Variants in RGL3 observed in about 807,000 individuals in gnomAD.
The protein encoded by RGL3 is ral guanine nucleotide dissociation stimulator like 3, also known as ral guanine nucleotide dissociation stimulator-like 3.
RGL3 carries 85 observed loss-of-function variants against 90.6 expected under a neutral mutation model. The observed-to-expected ratio is 0.94, with a 90% CI of 0.79 to 1.12. RGL3 has a LOEUF of 1.12. Ranked by LOEUF, RGL3 falls within the 50% of genes most tolerant of loss-of-function variation. RGL3 has a pLI of 0.00. For missense variants in RGL3, 1,034 were observed against 939.2 expected (o/e 1.10, Z -1.32); for synonymous variants, 408 against 385.5 (o/e 1.06, Z -0.68).
intron 5 of RGL3, 117 bp downstream of exon 5, chr19:11,415,820 T>C (rs955112580): frequency 1.1e-6 from 1 of 927,542 alleles, no homozygotes; most frequent in Admixed American, 2.4e-5. Flanking sequence ...AATTGAGGCT[T>C]AGAGTTTAAA....
intron 1 of RGL3, 105 bp from the exon 2 acceptor site, chr19:11,418,889 G>C: frequency 1.1e-6 from 1 of 896,986 alleles, no homozygotes; most frequent in Non-Finnish European, 1.6e-6. Flanking sequence ...GCATCCCCAC[G>C]CCCCTTCCCG....
intron 5 of RGL3, among the ~76,000 whole-genome samples, chr19:11,412,316 A>G (rs577237856): frequency 6.6e-6 from 1 of 151,632 alleles, no homozygotes; most frequent in East Asian, 1.9e-4. Flanking sequence ...CTGTTGTCAG[A>G]CATGTGTACC....
intron 18 of RGL3, among the ~76,000 whole-genome samples, chr19:11,396,136 C>CTATATATATATA (rs1568334082): frequency 1.1e-4 from 2 of 17,902 alleles, no homozygotes; most frequent in African/African-American, 1.9e-4. Flanking sequence ...CTCTCTCTCT[C>CTATATATATATA]TATATATATA....
At chr19:11,418,037 C>T (rs1435842513) in intron 2 of RGL3, among the ~76,000 whole-genome samples, 1 of 152,004 alleles carries the variant, frequency 6.6e-6, no homozygotes, top group Non-Finnish European at 1.5e-5. Flanking sequence ...CTGTGTTGTC[C>T]AGGCTGGTCT....
At chr19:11,414,197 TTATATATATATATACCTTTATA>T (rs1968929159) in intron 5 of RGL3, among the ~76,000 whole-genome samples, 1 of 65,248 alleles carries the variant, frequency 1.5e-5, no homozygotes, top group East Asian at 5.2e-4. Context: ...ATATATACCT[TTATATATATATATACCTTTATA>T]TATATATACC....
In RGL3 at chr19:11,405,005, A is replaced by C. The variant is rs1208993942; in HGVS notation, c.1185+142T>G. The C allele has an allele frequency of 5.6e-6, 4 of 720,354 alleles. No individual in the cohort carries two copies. The African/African-American group carries it at 7.0e-5, about 13-fold the overall frequency. 44.6% of individuals were successfully genotyped at this position (720,354 alleles called of 1,614,324 possible). Reference sequence around the variant, plus strand: ...AGGAAAGAAAAACGTGCAACCCGCCAGGGACAAGGATAAGGTCATTGCTGA... The same window carrying C: ...AGGAAAGAAAAACGTGCAACCCGCCCGGGACAAGGATAAGGTCATTGCTGA... On this transcript the variant is annotated intron_variant, in intron 9 of 18. Transcript: ENST00000380456.
rs1458909629 is a variant in RGL3, at chr19:11,402,045, G to C, written c.1450C>G (p.Leu484Val). Residue 484 changes from leucine to valine, a missense_variant, in exon 13 of 19, where the codon CTG (leucine) becomes GTG (valine). Leu to Val is a conservative substitution (Grantham distance 32). Coordinates refer to ENST00000380456, the MANE Select transcript of RGL3 (RefSeq NM_001035223.4). ...LSPHPPILAALHAQNQLTEEQ... is the reference protein window; with the variant it reads ...LSPHPPILAAVHAQNQLTEEQ... ...TCGGTGAGCTGGTTCTGGGCATGCA[G>C]GGCAGCCAGGATGGGCGGGTGGGGG... is the stretch of plus-strand genomic sequence containing the variant. 6 of 1,568,386 alleles carry C rather than the reference G, an allele frequency of 3.8e-6. No individual in the cohort carries two copies. The highest frequency in any genetic ancestry group is 5.2e-6 in the Non-Finnish European group (6 of 1,157,066).
At chr19:11,403,748 A>G (rs1453653119) in intron 9 of RGL3, among the ~76,000 whole-genome samples, 1 of 151,706 alleles carries the variant, frequency 6.6e-6, no homozygotes, top group African/African-American at 2.4e-5. Context: ...AGCAGGCCCC[A>G]TGAGAGGTGG....
Position 11,397,297 on chromosome 19 carries a change from G to A in RGL3, c.1961C>T (p.Pro654Leu), listed in dbSNP as rs1290188628. The A allele has an allele frequency of 6.2e-7, 1 of 1,613,180 alleles. No individual in the cohort carries two copies. The highest frequency in any genetic ancestry group is 1.7e-5 in the Admixed American group (1 of 59,762). Residue 654 changes from proline to leucine, a missense_variant, in exon 18 of 19, where the codon CCC (proline) becomes CTC (leucine). Coordinates refer to ENST00000380456, the MANE Select transcript of RGL3 (RefSeq NM_001035223.4). ...VRRALQKHNV[P>L]QPWACDYQLF... ...CTGATAGTCACAGGCCCAGGGCTGGGGCACATTGTGCTTCTGCAAGGCTCG... is the reference window on the plus strand; with the variant it reads ...CTGATAGTCACAGGCCCAGGGCTGGAGCACATTGTGCTTCTGCAAGGCTCG...
chr19:11,398,901 C>A (rs1041455797), intron 16 of RGL3, among the ~76,000 whole-genome samples: 3 of 150,198 alleles, frequency 2.0e-5, no homozygotes, highest in Admixed American at 2.0e-4. Flanking sequence ...GATCTCTTGA[C>A]CTCGTGATCC....
chr19:11,414,683 A>T (rs1263218181), intron 5 of RGL3, among the ~76,000 whole-genome samples: 1 of 151,016 alleles, frequency 6.6e-6, no homozygotes, highest in Non-Finnish European at 1.5e-5. Flanking sequence ...GATCAGATCA[A>T]ATACAGATGG....
intron 5 of RGL3, among the ~76,000 whole-genome samples, 158 bp downstream of exon 5, chr19:11,415,779 A>G (rs977783816): frequency 2.0e-5 from 3 of 151,940 alleles, no homozygotes; most frequent in Non-Finnish European, 1.5e-5. Context: ...CGGCTGACAA[A>G]GAATTATTAT....
chr19:11,402,614 T>TCCCACTTG (rs751288143), intron 10 of RGL3, 36 bp downstream of exon 10: 1 of 1,612,726 alleles, frequency 6.2e-7, no homozygotes. Context: ...TCCCTGAAGG[T>TCCCACTTG]CCCACTTGTC....
intron 16 of RGL3, 67 bp from the exon 17 acceptor site, chr19:11,397,664 C>G (rs545957795): frequency 5.1e-5 from 73 of 1,421,970 alleles, no homozygotes; most frequent in Non-Finnish European, 6.3e-5. Flanking sequence ...TAGAAAAGCA[C>G]GAACACCCCA....
Position 11,406,412 on chromosome 19 carries a change from A to T in RGL3, c.996+7T>A. On this transcript the variant is annotated splice_region_variant and intron_variant, in intron 7 of 18. Coordinates refer to ENST00000380456, the MANE Select transcript of RGL3 (RefSeq NM_001035223.4). ...CCCCGCATCCCCTCTCCGCGCCCGCAACACACCTGGGCGATGCGGATCCAC... is the reference window on the plus strand; with the variant it reads ...CCCCGCATCCCCTCTCCGCGCCCGCTACACACCTGGGCGATGCGGATCCAC... 1 of 1,530,492 alleles carries T rather than the reference A, an allele frequency of 6.5e-7. No homozygotes were observed. Among genetic ancestry groups the T allele is most frequent in the South Asian group, 1.2e-5 (1 of 83,812 alleles). The allele number at this position is 1,530,492 out of a possible 1,614,324, so 94.8% of individuals were successfully genotyped here.
chr19:11,399,934 G>T lies in RGL3; in HGVS notation c.1667C>A (p.Pro556His). The change falls in exon 16 of 19, where the codon CCC (proline) becomes CAC (histidine). Residue 556 changes from proline (P) to histidine (H), a missense_variant. Physicochemically the swap from Pro to His is moderately conservative, Grantham distance 77. Transcript: ENST00000380456. ...ATCTCTGCTTCTAGGACTTGAGGGGGGTGACCCTGGGGACACACTGGGGGA... is the reference window on the plus strand; with the variant it reads ...ATCTCTGCTTCTAGGACTTGAGGGGTGTGACCCTGGGGACACACTGGGGGA... ...SPTSSVSPGSPPSSPRSRDAP... is the reference protein window; with the variant it reads ...SPTSSVSPGSHPSSPRSRDAP... The T allele has an allele frequency of 6.5e-7, 1 of 1,545,142 alleles. No homozygotes were observed. Among genetic ancestry groups the T allele is most frequent in the Non-Finnish European group, 8.7e-7 (1 of 1,153,574 alleles).
chr19:11,418,649 A>G, intron 2 of RGL3, 22 bp downstream of exon 2: 1 of 1,516,762 alleles, frequency 6.6e-7, no homozygotes, highest in South Asian at 1.2e-5. Context: ...GCCCCGCGCC[A>G]CCCACCAAAC....
chr19:11,405,098 C>T (rs776011474), intron 9 of RGL3, 49 bp downstream of exon 9: 2 of 1,522,354 alleles, frequency 1.3e-6, no homozygotes, highest in Non-Finnish European at 1.8e-6. Context: ...CCAAGTCCCT[C>T]CCCCGACTTC....
At chr19:11,406,251 T>G (rs1968775937) in intron 7 of RGL3, among the ~76,000 whole-genome samples, 168 bp downstream of exon 7, 1 of 152,104 alleles carries the variant, frequency 6.6e-6, no homozygotes, top group Admixed American at 6.6e-5. Flanking sequence ...GCGGCCTCTC[T>G]GCAGGACCCA....
Sources: allele counts gnomAD v4.1 joint callset (sites outside exome capture counted in the v4.1 genomes callset), GRCh38; gene constraint gnomAD v4.1.1; transcripts MANE v1.5; gene names NCBI Gene and HGNC (gene_info 2026-07-23, HGNC 2026-07-21).